TMC1: variants seen among roughly 807,000 people sequenced by gnomAD.
TMC1 encodes the protein transmembrane channel-like protein 1.
A neutral mutation model predicts 105.8 loss-of-function variants in TMC1; 84 were observed. The observed-to-expected ratio is 0.79, with a 90% CI of 0.67 to 0.95. TMC1 has a LOEUF of 0.95. Among genes scored for constraint, TMC1 ranks in the 40% least tolerant of loss-of-function variants. The pLI is 0.00. For missense variants in TMC1, 817 were observed against 914.1 expected, an observed-to-expected ratio of 0.89 and a Z score of 1.37; for synonymous variants, 315 against 311.5, an observed-to-expected ratio of 1.01 and a Z score of -0.12.
At chr9:72,535,429 A>G (rs1197658335) in intron 1 of TMC1, among the ~76,000 whole-genome samples, 1 of 152,234 alleles carries the variant, frequency 6.6e-6, no homozygotes, top group Non-Finnish European at 1.5e-5. Context: ...TTAGCTGCAT[A>G]TAACCTTGCT....
chr9:72,766,321 T>A (rs1827838278), intron 12 of TMC1, among the ~76,000 whole-genome samples: 1 of 149,258 alleles, frequency 6.7e-6, no homozygotes, highest in Non-Finnish European at 1.5e-5. Context: ...GGAGGCTGAG[T>A]CAGAAGAATG....
chr9:72,538,091 G>A (rs112452913), intron 1 of TMC1, among the ~76,000 whole-genome samples: 3,220 of 151,610 alleles, frequency 0.021, 102 homozygotes, highest in African/African-American at 0.074. Flanking sequence ...AGGAGGCAGA[G>A]GTTGCAGTGA....
chr9:72,824,220 TA>T (rs1324702637), intron 20 of TMC1, among the ~76,000 whole-genome samples: 1 of 152,226 alleles, frequency 6.6e-6, no homozygotes, highest in Admixed American at 6.5e-5. Flanking sequence ...CCTATGACCC[TA>T]AAGCCCCAGA....
intron 5 of TMC1, among the ~76,000 whole-genome samples, chr9:72,661,794 A>G (rs553247695): frequency 5.8e-4 from 88 of 152,340 alleles, no homozygotes; most frequent in African/African-American, 2.1e-3. Flanking sequence ...TTAGGTTGCA[A>G]ATCTGAAAAA....
At chr9:72,826,798 T>C in intron 20 of TMC1, 71 bp from the exon 21 acceptor site, 3 of 1,527,196 alleles carry the variant, frequency 2.0e-6, no homozygotes, top group Non-Finnish European at 2.7e-6. Flanking sequence ...AGATTTCCAG[T>C]TTTCTTGCTT....
chr9:72,607,403 A>G (rs1824940703), intron 2 of TMC1, among the ~76,000 whole-genome samples: 1 of 145,240 alleles, frequency 6.9e-6, no homozygotes, highest in Admixed American at 6.9e-5. Flanking sequence ...GAGGATCACA[A>G]GGTCAGAAGA....
At chr9:72,683,807 A>G (rs1826334294) in intron 5 of TMC1, among the ~76,000 whole-genome samples, 2 of 139,258 alleles carry the variant, frequency 1.4e-5, no homozygotes, top group Admixed American at 1.5e-4. Flanking sequence ...ATGTAGCAAG[A>G]CTAAAATGCA....
chr9:72,674,163 T>A (rs1043722353), intron 5 of TMC1, among the ~76,000 whole-genome samples: 1 of 152,204 alleles, frequency 6.6e-6, no homozygotes, highest in Non-Finnish European at 1.5e-5. Flanking sequence ...GAAACCTCAT[T>A]TGTGAATTAG....
chr9:72,823,230 T>G (rs1828902712), intron 20 of TMC1, among the ~76,000 whole-genome samples: 1 of 152,106 alleles, frequency 6.6e-6, no homozygotes, highest in African/African-American at 2.4e-5. Context: ...ATGTTTGCAT[T>G]GTTTATTTGT....
At chr9:72,713,788 GT>G (rs1169402918) in intron 8 of TMC1, among the ~76,000 whole-genome samples, 1 of 150,242 alleles carries the variant, frequency 6.7e-6, no homozygotes, top group Non-Finnish European at 1.5e-5. Flanking sequence ...TCTGCTCTTA[GT>G]TACTTCTTGC....
intron 2 of TMC1, among the ~76,000 whole-genome samples, chr9:72,585,344 G>A (rs1824539263): frequency 1.3e-5 from 2 of 151,504 alleles, no homozygotes; most frequent in Admixed American, 6.6e-5. Context: ...TAGAGACGGG[G>A]TTTCAGCGTG....
At chr9:72,702,888 C>T (rs1260714941) in intron 8 of TMC1, among the ~76,000 whole-genome samples, 1 of 151,948 alleles carries the variant, frequency 6.6e-6, no homozygotes, top group African/African-American at 2.4e-5. Context: ...GAGAGATAGG[C>T]ATTAGCATTG....
At chr9:72,741,201 CAAT>C (rs1430960029) in intron 9 of TMC1, 2 of 170,482 alleles carry the variant, frequency 1.2e-5, no homozygotes, top group African/African-American at 2.4e-5. Flanking sequence ...TTTGCTACAA[CAAT>C]GACTGTTAAA....
chr9:72,541,516 C>T (rs1445531279), intron 1 of TMC1, among the ~76,000 whole-genome samples: 4 of 151,972 alleles, frequency 2.6e-5, no homozygotes, highest in Non-Finnish European at 5.9e-5. Flanking sequence ...GATGAAACCC[C>T]GTCTGTACTA....
At chr9:72,674,242 A>G (rs916969703) in intron 5 of TMC1, among the ~76,000 whole-genome samples, 2 of 152,206 alleles carry the variant, frequency 1.3e-5, no homozygotes, top group Admixed American at 1.3e-4. Context: ...ATCTCAATCA[A>G]TACCTCAATA....
At chr9:72,555,422 C>T (rs926934854) in intron 1 of TMC1, among the ~76,000 whole-genome samples, 35 of 151,436 alleles carry the variant, frequency 2.3e-4, no homozygotes, top group African/African-American at 6.8e-4. Context: ...CTCTTGACCT[C>T]GTGACCCTCC....
intron 23 of TMC1, among the ~76,000 whole-genome samples, chr9:72,835,160 A>G (rs1274057265): frequency 2.6e-5 from 4 of 152,028 alleles, no homozygotes; most frequent in Admixed American, 2.6e-4. Flanking sequence ...AACCCCCTCA[A>G]AATTTCTTGA....
intron 14 of TMC1, 68 bp from the exon 15 acceptor site, chr9:72,789,055 A>T: frequency 6.7e-7 from 1 of 1,486,016 alleles, no homozygotes; most frequent in Non-Finnish European, 9.4e-7. Context: ...AGGTTTTGAT[A>T]CTTTTAAAAT....
chr9:72,528,484 G>C (rs781206239), intron 1 of TMC1, among the ~76,000 whole-genome samples: 1 of 151,978 alleles, frequency 6.6e-6, no homozygotes, highest in Non-Finnish European at 1.5e-5. Flanking sequence ...ATAGGCATGC[G>C]CCACCATGCC....
Sources: allele counts gnomAD v4.1 joint callset (sites outside exome capture counted in the v4.1 genomes callset), GRCh38; gene constraint gnomAD v4.1.1; transcripts MANE v1.5; gene names NCBI Gene and HGNC (gene_info 2026-07-23, HGNC 2026-07-21).